Variants in SGCZ observed in about 807,000 individuals in gnomAD.
The protein encoded by SGCZ is sarcoglycan zeta, also known as zeta-sarcoglycan.
SGCZ carries 40 observed loss-of-function variants against 41.3 expected under a neutral mutation model. The ratio of observed to expected loss-of-function variants is 0.97; its 90% CI spans 0.75 to 1.26. The LOEUF (loss-of-function observed/expected upper bound fraction) is 1.26. Ranked by LOEUF, SGCZ falls within the 50% of genes most tolerant of loss-of-function variation. The pLI, the probability that SGCZ is intolerant of heterozygous loss-of-function variation, is 0.00. For missense variants in SGCZ, 552 were observed against 369.8 expected, an observed-to-expected ratio of 1.49 and a Z score of -4.04; for synonymous variants, 206 against 137.5, an observed-to-expected ratio of 1.50 and a Z score of -3.49.
intron 1 of SGCZ, among the ~76,000 whole-genome samples, chr8:14,581,659 A>C (rs1563130431): frequency 1.3e-5 from 2 of 152,150 alleles, no homozygotes; most frequent in Non-Finnish European, 2.9e-5. Flanking sequence ...AGCATCACCA[A>C]GAGTTACTAT....
chr8:14,405,416 C>T (rs556090008), intron 2 of SGCZ, among the ~76,000 whole-genome samples: 3 of 152,246 alleles, frequency 2.0e-5, no homozygotes, highest in African/African-American at 7.2e-5. Flanking sequence ...AATATAATGA[C>T]ATCAGATTAT....
intron 1 of SGCZ, among the ~76,000 whole-genome samples, chr8:15,199,751 C>G (rs535119330): frequency 6.6e-6 from 1 of 152,216 alleles, no homozygotes; most frequent in East Asian, 1.9e-4. Context: ...GGATATACTT[C>G]ATTAGTTTCA....
intron 7 of SGCZ, among the ~76,000 whole-genome samples, chr8:14,099,821 C>T (rs1801957096): frequency 6.6e-6 from 1 of 152,112 alleles, no homozygotes; most frequent in Non-Finnish European, 1.5e-5. Context: ...CAGTATTCTC[C>T]ATACAATTAC....
intron 2 of SGCZ, among the ~76,000 whole-genome samples, chr8:14,459,834 G>C (rs1009004193): frequency 6.6e-6 from 1 of 151,926 alleles, no homozygotes; most frequent in Non-Finnish European, 1.5e-5. Context: ...ATAATCAAAA[G>C]AAAACATCAG....
chr8:14,705,993 A>C (rs191598349), intron 1 of SGCZ, among the ~76,000 whole-genome samples: 20 of 152,154 alleles, frequency 1.3e-4, no homozygotes, highest in African/African-American at 4.1e-4. Context: ...TTAGAATCAT[A>C]ATAGAAATAA....
intron 1 of SGCZ, among the ~76,000 whole-genome samples, chr8:14,562,349 T>C (rs995862081): frequency 2.6e-5 from 4 of 152,154 alleles, no homozygotes; most frequent in African/African-American, 9.7e-5. Context: ...TGATGCATTA[T>C]GAATCTCACG....
chr8:15,173,209 A>G (rs1799897353), intron 1 of SGCZ, among the ~76,000 whole-genome samples: 1 of 152,348 alleles, frequency 6.6e-6, no homozygotes, highest in Non-Finnish European at 1.5e-5. Context: ...TAAAAAACAT[A>G]TAACATGGAA....
intron 2 of SGCZ, among the ~76,000 whole-genome samples, chr8:14,524,757 GCTT>G (rs1362573651): frequency 1.4e-4 from 21 of 151,990 alleles, no homozygotes; most frequent in Non-Finnish European, 2.8e-4. Context: ...AAGGAAAAGT[GCTT>G]CTTCTCCATC....
intron 1 of SGCZ, among the ~76,000 whole-genome samples, chr8:14,598,138 T>A (rs908879702): frequency 3.3e-5 from 5 of 152,152 alleles, no homozygotes; most frequent in African/African-American, 9.7e-5. Flanking sequence ...ATTATTTCTT[T>A]ACACTTGGAA....
intron 1 of SGCZ, among the ~76,000 whole-genome samples, chr8:14,802,527 T>A (rs575682256): frequency 6.6e-6 from 1 of 152,316 alleles, no homozygotes; most frequent in Non-Finnish European, 1.5e-5. Context: ...CACCATTTAA[T>A]TAAAATCAGT....
At chr8:14,543,013 CA>C (rs1381037602) in intron 2 of SGCZ, among the ~76,000 whole-genome samples, 1 of 151,808 alleles carries the variant, frequency 6.6e-6, no homozygotes, top group Non-Finnish European at 1.5e-5. Flanking sequence ...AGCTTAAGTA[CA>C]AAAACTGAGC....
chr8:14,834,016 A>C (rs1402702711), intron 1 of SGCZ, among the ~76,000 whole-genome samples: 2 of 152,176 alleles, frequency 1.3e-5, no homozygotes, highest in Non-Finnish European at 2.9e-5. Flanking sequence ...AAAATAGTAT[A>C]ATTGTGTTCT....
chr8:14,808,093 A>G (rs1801607887), intron 1 of SGCZ, among the ~76,000 whole-genome samples: 1 of 152,234 alleles, frequency 6.6e-6, no homozygotes. Context: ...AGATGGATTA[A>G]AGACTGAAAC....
chr8:14,370,418 C>G (rs986521774), intron 2 of SGCZ, among the ~76,000 whole-genome samples: 26 of 151,742 alleles, frequency 1.7e-4, no homozygotes, highest in African/African-American at 6.0e-4. Flanking sequence ...CCAAGCACAA[C>G]ACGGTAATTT....
At chr8:14,946,990 T>C (rs1429694001) in intron 1 of SGCZ, among the ~76,000 whole-genome samples, 1 of 152,098 alleles carries the variant, frequency 6.6e-6, no homozygotes, top group Non-Finnish European at 1.5e-5. Context: ...TTTCTATAGT[T>C]AGGGTTTGAA....
rs576833306 is a variant in SGCZ at position 14,339,138 on chromosome 8, G to A, written c.235-14934C>T. 4.6e-5 allele frequency among the ~76,000 whole-genome samples: 7 copies of A among 152,082 alleles called. No individual in the cohort carries two copies. In the South Asian group the frequency reaches 1.5e-3, roughly 32 times the overall value. The stretch of plus-strand genomic sequence containing the variant: ...AGTGTTCTATTAAAGAAAAATCAGT[G>A]CTACGAAAGCACTTTACTTCTACTG... On this transcript the variant is annotated intron_variant, in intron 2 of 7. Coordinates refer to ENST00000382080, the MANE Select transcript of SGCZ (RefSeq NM_139167.4).
At chr8:14,744,517 G>A (rs1422719033) in intron 1 of SGCZ, among the ~76,000 whole-genome samples, 1 of 152,090 alleles carries the variant, frequency 6.6e-6, no homozygotes, top group African/African-American at 2.4e-5. Context: ...TTCTGGAGAA[G>A]TAACTGAATT....
At chr8:14,235,619 C>T (rs1232163009) in intron 4 of SGCZ, among the ~76,000 whole-genome samples, 1 of 152,090 alleles carries the variant, frequency 6.6e-6, no homozygotes, top group African/African-American at 2.4e-5. Context: ...GATTGCTTTG[C>T]TCTATAGGCG....
chr8:14,495,023 C>A (rs1801950371), intron 2 of SGCZ, among the ~76,000 whole-genome samples: 1 of 152,126 alleles, frequency 6.6e-6, no homozygotes, highest in Non-Finnish European at 1.5e-5. Flanking sequence ...CCATAGGTTT[C>A]TGGAGCTCCC....
Sources: gnomAD v4.1 joint callset for allele counts (sites outside exome capture counted in the v4.1 genomes callset) on GRCh38, gnomAD v4.1.1 for gene constraint, MANE v1.5 for transcripts, NCBI Gene and HGNC (gene_info 2026-07-23, HGNC 2026-07-21) for gene names.